CHD5: variants seen among roughly 807,000 people sequenced by gnomAD.
CHD5 encodes ATP-dependent chromatin remodeler CHD5.
A neutral mutation model predicts 230.3 loss-of-function variants in CHD5; 69 were observed. The ratio of observed to expected loss-of-function variants is 0.30; its 90% CI spans 0.25 to 0.37. The LOEUF is 0.37. Ranked by LOEUF, CHD5 falls within the 10% of genes least tolerant of loss-of-function variation. The pLI is 1.00. For synonymous variants in CHD5, 1,064 were observed against 1,065.9 expected, an observed-to-expected ratio of 1.00 and a Z score of 0.03; for missense variants, 1,827 against 2,622.8, an observed-to-expected ratio of 0.70 and a Z score of 6.63.
rs1017822229 is a variant in CHD5, at chr1:6,167,128, A to C, written c.207+1022T>G. Reference sequence around the variant, plus strand: ...CTACCTCCCTGGGCCTCTCACTTGCAAGGTGGGGCCAGGCCAGTCCCCTCT... The same window carrying C: ...CTACCTCCCTGGGCCTCTCACTTGCCAGGTGGGGCCAGGCCAGTCCCCTCT... On this transcript the variant is annotated intron_variant, in intron 2 of 41. Transcript: ENST00000262450. This position sits in a 1 kb window ranked among gnomAD's most constrained non-coding sequence, Gnocchi z 4.5. Among the ~76,000 whole-genome samples, 8 of 152,002 alleles carry C rather than the reference A, an allele frequency of 5.3e-5. No individual in the cohort carries two copies. Among genetic ancestry groups the C allele is most frequent in the Admixed American group, 2.6e-4 (4 of 15,290 alleles).
At chr1:6,168,398 C>T (rs1667287474) in intron 1 of CHD5, 121 bp from the exon 2 acceptor site, 2 of 1,191,746 alleles carry the variant, frequency 1.7e-6, no homozygotes, top group Non-Finnish European at 2.3e-6. Flanking sequence ...CAGGTCACAG[C>T]TGCCCTGCCC....
intron 1 of CHD5, among the ~76,000 whole-genome samples, chr1:6,178,406 C>T (rs1667457805): frequency 6.6e-6 from 1 of 152,202 alleles, no homozygotes; most frequent in African/African-American, 2.4e-5. Context: ...AGAAATGCCA[C>T]TGATCCCACA....
At chr1:6,140,953 G>A (rs757831789) in intron 15 of CHD5, among the ~76,000 whole-genome samples, 12 of 121,042 alleles carry the variant, frequency 9.9e-5, no homozygotes, top group East Asian at 4.2e-4. Flanking sequence ...GTGACAGAGC[G>A]AGACCCTGTC....
rs1020993902 is a variant in CHD5, at chr1:6,154,511, G to A, written c.745+149C>T. ...TGCCTCACTGCTGAGAAAGGACCGG[G>A]CAATCCAAGGTCACACAGGCACAGA... is the stretch of plus-strand genomic sequence containing the variant. On this transcript the variant is annotated intron_variant, in intron 5 of 41. Transcript: ENST00000262450. The surrounding 1 kb of genome is among the most constrained non-coding windows in gnomAD (Gnocchi z 7.0). The A allele has an allele frequency of 4.9e-6, 3 of 607,414 alleles. No homozygotes were observed. The highest frequency in any genetic ancestry group is 7.4e-5 in the Admixed American group (2 of 26,952). The allele number at this position is 607,414 out of a possible 1,614,324, so 37.6% of individuals were successfully genotyped here.
intron 2 of CHD5, among the ~76,000 whole-genome samples, chr1:6,163,533 TC>T (rs1267821656): frequency 2.0e-5 from 3 of 152,204 alleles, no homozygotes; most frequent in African/African-American, 7.2e-5. Context: ...GTGGTGTTTT[TC>T]CAAAATCTCT....
chr1:6,124,829 G>A (rs2273039), intron 29 of CHD5, among the ~76,000 whole-genome samples, 168 bp from the exon 30 acceptor site: 17,126 of 152,182 alleles, frequency 0.11, 1,236 homozygotes, highest in East Asian at 0.35. Context: ...CCTCCCTGGC[G>A]AGGGGACCTC....
At chr1:6,173,235 G>C (rs1667367182) in intron 1 of CHD5, among the ~76,000 whole-genome samples, 1 of 151,728 alleles carries the variant, frequency 6.6e-6, no homozygotes, top group Non-Finnish European at 1.5e-5. Context: ...CTCCCAAGTA[G>C]CTGGGACTAC....
At chr1:6,139,345 T>G (rs1398660155) in intron 15 of CHD5, among the ~76,000 whole-genome samples, 1 of 152,062 alleles carries the variant, frequency 6.6e-6, no homozygotes, top group Non-Finnish European at 1.5e-5. Flanking sequence ...CAAGCGATTC[T>G]CCTGCCTCAG....
chr1:6,121,529 CG>C lies in CHD5; in HGVS notation c.4743del (p.Ala1583HisfsTer71). The C allele has an allele frequency of 6.2e-7, 1 of 1,613,108 alleles. No homozygotes were observed. The highest frequency in any genetic ancestry group is 8.5e-7 in the Non-Finnish European group (1 of 1,179,650). ...AGGGGCTGCCTTGGCTTCTGTGCCC[CG>C]GGGTCTTTCTCATCCATGTAGCCCA... Reference protein sequence around the residue: ...AQLGYMDEKDPGAQKPRQPLE... With the variant: ...AQLGYMDEKDXGAQKPRQPLE... On this transcript the variant is annotated frameshift_variant, in exon 32 of 42. Transcript: ENST00000262450. LOFTEE classifies it high-confidence loss of function. This position sits in a 1 kb window ranked among gnomAD's most constrained non-coding sequence, Gnocchi z 4.5.
In CHD5 at chr1:6,128,725, T is replaced by C. The variant is rs1356409713; in HGVS notation, c.3619+113A>G. 2.4e-6 allele frequency: 3 copies of C among 1,251,828 alleles called. No homozygotes were observed. The highest frequency in any genetic ancestry group is 4.9e-5 in the East Asian group (2 of 41,102). The allele number at this position is 1,251,828 out of a possible 1,614,324, so 77.5% of individuals were successfully genotyped here. A position where few individuals can be genotyped will look rare whatever the true frequency, so the allele number is the denominator to read the frequency against. ...CTAGCCAGGAGATACAGGTGGGGGG[T>C]GCAGAAGAGAGGCTGTGTGTTGGAG... On this transcript the variant is annotated intron_variant, in intron 23 of 41. Coordinates refer to ENST00000262450, the MANE Select transcript of CHD5 (RefSeq NM_015557.3). This position sits in a 1 kb window ranked among gnomAD's most constrained non-coding sequence, Gnocchi z 7.8.
At chr1:6,115,099 T>C (rs1666358462) in intron 33 of CHD5, among the ~76,000 whole-genome samples, 1 of 151,100 alleles carries the variant, frequency 6.6e-6, no homozygotes, top group Non-Finnish European at 1.5e-5. Context: ...GATCACGAGA[T>C]CAGGAGATCG....
chr1:6,149,769 TGATG>T (rs547823553), intron 7 of CHD5, among the ~76,000 whole-genome samples: 35 of 145,544 alleles, frequency 2.4e-4, no homozygotes, highest in Non-Finnish European at 4.2e-4. Flanking sequence ...ATGGGTGGAC[TGATG>T]GATGGATGGA....
At chr1:6,174,636 AGATG>A (rs1179979997) in intron 1 of CHD5, among the ~76,000 whole-genome samples, 1 of 146,586 alleles carries the variant, frequency 6.8e-6, no homozygotes, top group Non-Finnish European at 1.5e-5. Flanking sequence ...GATGGTGAAT[AGATG>A]GATGGATGAT....
Position 6,135,416 on chromosome 1 carries a change from G to A in CHD5, c.2697-13C>T. The stretch of plus-strand genomic sequence containing the variant: ...GCCCTCCAGGTTGCTGCAACAAAAA[G>A]CTGGGATAACAGCCAGGAGCAGAGG... On this transcript the variant is annotated splice_polypyrimidine_tract_variant and intron_variant, in intron 17 of 41. Coordinates refer to ENST00000262450, the MANE Select transcript of CHD5 (RefSeq NM_015557.3). The A allele has an allele frequency of 6.3e-7, 1 of 1,594,214 alleles. No individual in the cohort carries two copies. The highest frequency in any genetic ancestry group is 1.3e-5 in the African/African-American group (1 of 74,698).
chr1:6,168,332 C>CT, intron 1 of CHD5, 55 bp from the exon 2 acceptor site: 1 of 1,537,046 alleles, frequency 6.5e-7, no homozygotes. Context: ...CAGGAGAGCC[C>CT]TGGAGACACA....
intron 18 of CHD5, 62 bp downstream of exon 18, chr1:6,135,168 C>T: frequency 6.3e-7 from 1 of 1,599,078 alleles, no homozygotes; most frequent in South Asian, 1.1e-5. Flanking sequence ...GGAATCGACC[C>T]AGGAGACCAG....
At chr1:6,177,816 T>C (rs1016206529) in intron 1 of CHD5, among the ~76,000 whole-genome samples, 1 of 151,534 alleles carries the variant, frequency 6.6e-6, no homozygotes, top group African/African-American at 2.4e-5. Context: ...GAGCGTGGAG[T>C]GTTCCAGAAG....
At chr1:6,114,077 G>A (rs563600991) in intron 33 of CHD5, among the ~76,000 whole-genome samples, 4 of 152,210 alleles carry the variant, frequency 2.6e-5, no homozygotes, top group South Asian at 4.2e-4. Context: ...GTGAAACCCC[G>A]TCTCTACCAA....
At chr1:6,175,059 T>C (rs1306359589) in intron 1 of CHD5, among the ~76,000 whole-genome samples, 1 of 140,718 alleles carries the variant, frequency 7.1e-6, no homozygotes, top group Non-Finnish European at 1.5e-5. Context: ...GGATGAATGG[T>C]GGATGAATGG....
Sources: gnomAD v4.1 joint callset for allele counts (sites outside exome capture counted in the v4.1 genomes callset) on GRCh38, gnomAD v4.1.1 for gene constraint, Gnocchi (gnomAD v3.1) non-coding constraint, MANE v1.5 for transcripts, NCBI Gene and HGNC (gene_info 2026-07-23, HGNC 2026-07-21) for gene names.